Variants in ZNF285 observed in about 807,000 individuals in gnomAD.
ZNF285 encodes the protein zinc finger protein 285A.
ZNF285 carries 4 observed loss-of-function variants against 6.2 expected under a neutral mutation model. The observed-to-expected ratio is 0.65, with a 90% confidence interval of 0.32 to 1.49. The LOEUF (loss-of-function observed/expected upper bound fraction) is 1.49, where lower values mean the gene tolerates loss of function less well. Ranked by LOEUF, ZNF285 falls within the 40% of genes most tolerant of loss-of-function variation. ZNF285 has a pLI of 0.07. For missense variants in ZNF285, 695 were observed against 708.8 expected (o/e 0.98, Z 0.22); for synonymous variants, 240 against 245.8 (o/e 0.98, Z 0.22).
At chr19:44,388,182 G>A in intron 3 of ZNF285, 80 bp from the exon 4 acceptor site, 2 of 1,352,646 alleles carry the variant, frequency 1.5e-6, no homozygotes, top group South Asian at 1.4e-5. Context: ...AATATGATGG[G>A]GTGGGAAGTT....
At position 44,387,184 on chromosome 19, in the gene ZNF285, C is replaced by G. The variant is rs1357628431; in HGVS notation, c.1061G>C (p.Gly354Ala). The G allele has an allele frequency of 2.5e-6, 4 of 1,613,482 alleles. No homozygotes were observed. The highest frequency in any genetic ancestry group is 3.4e-6 in the Non-Finnish European group (4 of 1,179,896). ...ATGAATACAAAGAAGTGACCTAAAT[C>G]CAAACCCTTTCCCACATTCATCGCA... ...YKCDECGKGF[G>A]FRSLLCIHQG... The change falls in exon 4 of 4, where the codon GGA becomes GCA. Residue 354 changes from glycine to alanine, a missense_variant. By Grantham distance (60) the Gly-to-Ala change is moderately conservative. Coordinates refer to ENST00000614994, the MANE Select transcript of ZNF285 (RefSeq NM_152354.6).
intron 1 of ZNF285, among the ~76,000 whole-genome samples, chr19:44,399,784 G>A (rs1347058165): frequency 3.3e-5 from 5 of 151,978 alleles, no homozygotes; most frequent in Admixed American, 2.0e-4. Flanking sequence ...CAATGGTGTT[G>A]GCTCGGGGTA....
Position 44,387,341 on chromosome 19 carries a change from C to A in ZNF285, c.904G>T (p.Asp302Tyr). Residue 302 changes from aspartate to tyrosine, a missense_variant, in exon 4 of 4, where the codon GAC becomes TAC. Asp to Tyr is a radical substitution (Grantham distance 160). Coordinates refer to ENST00000614994, the MANE Select transcript of ZNF285 (RefSeq NM_152354.6). Reference sequence around the variant, plus strand: ...GAGACTTTCTGATATCTGGGAAGGTCTGAGCTCTGTTTGCAGCCCATAGGC... The same window carrying A: ...GAGACTTTCTGATATCTGGGAAGGTATGAGCTCTGTTTGCAGCCCATAGGC... ...EWPMGCKQSS[D>Y]LPRYQKVSSG... The A allele has an allele frequency of 6.2e-7, 1 of 1,614,170 alleles. No individual in the cohort carries two copies. Among genetic ancestry groups the A allele is most frequent in the Non-Finnish European group, 8.5e-7 (1 of 1,180,040 alleles).
chr19:44,383,028 T>C lies in ZNF285; in HGVS notation c.*3444A>G, dbSNP rs1454879634. The stretch of plus-strand genomic sequence containing the variant: ...TTCTGGTCATTGCACACAATTGTTA[T>C]TGTGAATGAAACATTTTGGCTACAT... On this transcript the variant is annotated 3_prime_UTR_variant, in exon 4 of 4. Coordinates refer to ENST00000614994, the MANE Select transcript of ZNF285 (RefSeq NM_152354.6). 2 of 152,172 alleles carry C rather than the reference T, an allele frequency of 1.3e-5. No individual in the cohort carries two copies. The highest frequency in any genetic ancestry group is 4.8e-5 in the African/African-American group (2 of 41,444). 9.4% of individuals were successfully genotyped at this position (152,172 alleles called of 1,614,324 possible). A position where few individuals can be genotyped will look rare whatever the true frequency, so the allele number is the denominator to read the frequency against.
In ZNF285 at chr19:44,386,847, C is replaced by T. The variant is rs139913772; in HGVS notation, c.1398G>A (p.Ala466=). 1.1e-3 allele frequency: 1,727 copies of T among 1,614,102 alleles called. 3 individuals are homozygous for T. Among genetic ancestry groups the T allele is most frequent in the South Asian group, 2.3e-3 (206 of 91,086 alleles). ...YKCNVCGKDF[A]YSSVLHTHQR... ...GATGAGTGTGAAGAACAGAGCTATA[C>T]GCAAAATCCTTTCCACACACATTGC... The change falls in exon 4 of 4, where the codon GCG becomes GCA. Residue 466 remains alanine, a synonymous_variant. Coordinates refer to ENST00000614994, the MANE Select transcript of ZNF285 (RefSeq NM_152354.6).
chr19:44,395,115 C>T (rs531497021), intron 2 of ZNF285, among the ~76,000 whole-genome samples: 9 of 152,218 alleles, frequency 5.9e-5, no homozygotes, highest in Non-Finnish European at 1.2e-4. Flanking sequence ...TCCTAGGCAG[C>T]GATTGTCATA....
At chr19:44,399,798 A>C (rs1457828622) in intron 1 of ZNF285, among the ~76,000 whole-genome samples, 1 of 151,876 alleles carries the variant, frequency 6.6e-6, no homozygotes, top group Non-Finnish European at 1.5e-5. Context: ...CGGGGTAAGG[A>C]AATCACAATG....
At chr19:44,392,185 C>T in intron 3 of ZNF285, 155 bp downstream of exon 3, 1 of 1,499,042 alleles carries the variant, frequency 6.7e-7, no homozygotes, top group Non-Finnish European at 8.8e-7. Context: ...TGTAAAAGCT[C>T]ATTAACTGTA....
rs1284670875 is a variant in ZNF285, at chr19:44,382,395, C to T, written c.*4077G>A. 1.4e-5 allele frequency: 2 copies of T among 147,788 alleles called. No homozygotes were observed. The highest frequency in any genetic ancestry group is 5.0e-5 in the African/African-American group (2 of 40,146). 9.2% of individuals were successfully genotyped at this position (147,788 alleles called of 1,614,324 possible). On this transcript the variant is annotated 3_prime_UTR_variant, in exon 4 of 4. Transcript: ENST00000614994. ...CTCATTGCAACCTCCACCTCCTGTG[C>T]TCAAGCGATTCTCCTGCCTCAGCCT...
At position 44,386,565 on chromosome 19, in the gene ZNF285, T is replaced by G; in HGVS notation, c.1680A>C (p.Arg560Ser). 2.5e-6 allele frequency: 4 copies of G among 1,614,196 alleles called. No individual in the cohort carries two copies. The highest frequency in any genetic ancestry group is 3.4e-6 in the Non-Finnish European group (4 of 1,180,012). The part of the protein sequence containing the change: ...SRNSYLLAHQ[R>S]VHIDETQYTH... ...TGTACTGTGTCTCATCTATATGCAC[T>G]CTCTGATGGGCAAGGAGGTATGAAT... The change falls in exon 4 of 4, where the codon AGA becomes AGC. Residue 560 changes from arginine to serine, a missense_variant. Transcript: ENST00000614994.
In ZNF285 at chr19:44,387,816, C is replaced by G. The variant is rs1295528325; in HGVS notation, c.429G>C (p.Gln143His). 1.2e-6 allele frequency: 2 copies of G among 1,613,834 alleles called. No individual in the cohort carries two copies. The highest frequency in any genetic ancestry group is 2.7e-5 in the African/African-American group (2 of 74,916). Residue 143 changes from glutamine to histidine, a missense_variant, in exon 4 of 4, where the codon CAG becomes CAC. By Grantham distance (24) the Gln-to-His change is conservative. Transcript: ENST00000614994. ...QDITAWQSLT[Q>H]VLTPESWRKA... ...TCCTCCACGATTCTGGGGTAAGAACCTGTGTCAGGCTTTGCCATGCTGTGA... is the reference window on the plus strand; with the variant it reads ...TCCTCCACGATTCTGGGGTAAGAACGTGTGTCAGGCTTTGCCATGCTGTGA...
rs554397648 is a variant in ZNF285, at chr19:44,394,133, C to T, written c.16-1667G>A. Among the ~76,000 whole-genome samples the T allele has an allele frequency of 1.7e-3, 265 of 152,094 alleles. 1 individual carries two copies. The highest frequency in any genetic ancestry group is 4.8e-3 in the African/African-American group (198 of 41,440). On this transcript the variant is annotated intron_variant, in intron 2 of 3. Coordinates refer to ENST00000614994, the MANE Select transcript of ZNF285 (RefSeq NM_152354.6). ...GTAGGGACATAGATGAAACTGGAAACCATCATTCTCAGCAAACTATCGCAA... is the reference window on the plus strand; with the variant it reads ...GTAGGGACATAGATGAAACTGGAAATCATCATTCTCAGCAAACTATCGCAA...
At chr19:44,392,248 G>A in intron 3 of ZNF285, 92 bp downstream of exon 3, 1 of 1,569,706 alleles carries the variant, frequency 6.4e-7, no homozygotes, top group East Asian at 2.2e-5. Context: ...AGTGGCCAAA[G>A]TTTCTCTTTG....
chr19:44,385,941 C>T lies in ZNF285; in HGVS notation c.*531G>A, dbSNP rs1427374237. On this transcript the variant is annotated 3_prime_UTR_variant, in exon 4 of 4. Transcript: ENST00000614994. ...AACCAGTGTGATAAACACAGCACTG[C>T]CTCTGCCACACCCTTCAAATGCCAC... 1 of 159,134 alleles carries T rather than the reference C, an allele frequency of 6.3e-6. No individual in the cohort carries two copies. The highest frequency in any genetic ancestry group is 5.8e-5 in the Admixed American group (1 of 17,150). The allele number at this position is 159,134 out of a possible 1,614,324, so 9.9% of individuals were successfully genotyped here. A position where few individuals can be genotyped will look rare whatever the true frequency, so the allele number is the denominator to read the frequency against.
At position 44,386,594 on chromosome 19, in the gene ZNF285, G is replaced by A. The variant is rs1971076677; in HGVS notation, c.1651C>T (p.Arg551Cys). The part of the protein sequence containing the change: ...KCKACGKGFS[R>C]NSYLLAHQRV... ...TGATGGGCAAGGAGGTATGAATTAC[G>A]ACTGAAGCCCTTACCACATGCCTTA... is the stretch of plus-strand genomic sequence containing the variant. The change falls in exon 4 of 4, where the codon CGT (arginine) becomes TGT (cysteine). Residue 551 changes from arginine (R) to cysteine (C), a missense_variant. Coordinates refer to ENST00000614994, the MANE Select transcript of ZNF285 (RefSeq NM_152354.6). The A allele has an allele frequency of 3.1e-6, 5 of 1,614,070 alleles. No homozygotes were observed. The highest frequency in any genetic ancestry group is 4.2e-6 in the Non-Finnish European group (5 of 1,180,010).
intron 2 of ZNF285, 133 bp downstream of exon 2, chr19:44,397,066 A>G: frequency 4.6e-6 from 6 of 1,307,602 alleles, no homozygotes; most frequent in Middle Eastern, 1.9e-4. Flanking sequence ...TGCCTCACAA[A>G]GTCATTATGA....
In ZNF285 at chr19:44,387,848, G is replaced by C. The variant is rs1478986817; in HGVS notation, c.397C>G (p.Gln133Glu). The C allele has an allele frequency of 6.2e-7, 1 of 1,613,926 alleles. No individual in the cohort carries two copies. The highest frequency in any genetic ancestry group is 8.5e-7 in the Non-Finnish European group (1 of 1,179,868). Residue 133 changes from glutamine to glutamate, a missense_variant, in exon 4 of 4, where the codon CAA (glutamine) becomes GAA (glutamate). By Grantham distance (29) the Gln-to-Glu change is conservative. Coordinates refer to ENST00000614994, the MANE Select transcript of ZNF285 (RefSeq NM_152354.6). ...NYVVNAIIKN[Q>E]DITAWQSLTQ... ...AGGCTTTGCCATGCTGTGATATCTT[G>C]ATTTTTGATAATGGCATTTACTACA...
chr19:44,392,933 T>C (rs1971221983), intron 2 of ZNF285, among the ~76,000 whole-genome samples: 1 of 152,188 alleles, frequency 6.6e-6, no homozygotes, highest in South Asian at 2.1e-4. Flanking sequence ...CAGATTAATC[T>C]ATTTGTATTA....
At position 44,387,441 on chromosome 19, in the gene ZNF285, G is replaced by T; in HGVS notation, c.804C>A (p.Asn268Lys). The stretch of plus-strand genomic sequence containing the variant: ...CGATAAGATCTTGGCTCTGACTAAA[G>T]TTCTTTCCATACTGGTCACATTTAT... ...KSYKCDQYGKNFSQSQDLIVH... is the reference protein window; with the variant it reads ...KSYKCDQYGKKFSQSQDLIVH... The change falls in exon 4 of 4, where the codon AAC becomes AAA. Residue 268 changes from asparagine to lysine, a missense_variant. Transcript: ENST00000614994. 6.2e-7 allele frequency: 1 copy of T among 1,614,120 alleles called. No homozygotes were observed. The highest frequency in any genetic ancestry group is 2.2e-5 in the East Asian group (1 of 44,884).
Sources: allele counts gnomAD v4.1 joint callset (sites outside exome capture counted in the v4.1 genomes callset), GRCh38; gene constraint gnomAD v4.1.1; transcripts MANE v1.5; gene names NCBI Gene and HGNC (gene_info 2026-07-23, HGNC 2026-07-21).